The following SNX29 variants were observed in gnomAD, a reference collection of about 807,000 sequenced individuals.
The protein encoded by SNX29 is sorting nexin 29.
SNX29 carries 78 observed loss-of-function variants against 102.1 expected under a neutral mutation model. The ratio of observed to expected loss-of-function variants is 0.76; its 90% CI spans 0.64 to 0.92. The LOEUF (loss-of-function observed/expected upper bound fraction) is 0.92, where lower values mean the gene tolerates loss of function less well. Among genes scored for constraint, SNX29 ranks in the 40% least tolerant of loss-of-function variants. SNX29 has a pLI of 0.00. For missense variants in SNX29, 1,280 were observed against 1,061.7 expected (o/e 1.21, Z -2.86); for synonymous variants, 580 against 414.5 (o/e 1.40, Z -4.85).
intron 14 of SNX29, among the ~76,000 whole-genome samples, chr16:12,257,499 G>C (rs1267188191): frequency 1.0e-5 from 1 of 96,500 alleles, no homozygotes; most frequent in African/African-American, 5.1e-5. Context: ...CCTACCACTA[G>C]CATCTCTCTC....
intron 20 of SNX29, among the ~76,000 whole-genome samples, chr16:12,564,675 C>T (rs2078917213): frequency 6.6e-6 from 1 of 152,120 alleles, no homozygotes; most frequent in Non-Finnish European, 1.5e-5. Context: ...CTTGTCCACA[C>T]ATTCCTCTGT....
intron 13 of SNX29, among the ~76,000 whole-genome samples, chr16:12,180,116 C>A (rs1425635454): frequency 6.6e-6 from 1 of 152,040 alleles, no homozygotes; most frequent in East Asian, 1.9e-4. Flanking sequence ...ATCTTATTTA[C>A]CTGTCTTCAG....
chr16:12,008,349 A>C (rs867610015), intron 3 of SNX29, among the ~76,000 whole-genome samples: 1 of 152,080 alleles, frequency 6.6e-6, no homozygotes, highest in African/African-American at 2.4e-5. Context: ...GGCTCACCGC[A>C]ACCTCTGCCT....
intron 15 of SNX29, among the ~76,000 whole-genome samples, chr16:12,326,613 G>A (rs1197057546): frequency 6.6e-6 from 1 of 152,308 alleles, no homozygotes; most frequent in Non-Finnish European, 1.5e-5. Context: ...GGGCACTGGG[G>A]CTGGCTTTGG....
intron 11 of SNX29, among the ~76,000 whole-genome samples, chr16:12,095,695 G>A (rs976487738): frequency 1.3e-5 from 2 of 152,148 alleles, no homozygotes; most frequent in African/African-American, 4.8e-5. Flanking sequence ...TTTGAATCCC[G>A]ATTGTTGCCT....
At chr16:12,256,263 G>T (rs113153618) in intron 14 of SNX29, among the ~76,000 whole-genome samples, 1 of 152,054 alleles carries the variant, frequency 6.6e-6, no homozygotes, top group Non-Finnish European at 1.5e-5. Context: ...TGTATATTTT[G>T]GATATTAACC....
intron 3 of SNX29, among the ~76,000 whole-genome samples, chr16:12,013,500 A>AAATATATATATAT: frequency 4.1e-4 from 13 of 31,616 alleles, no homozygotes; most frequent in African/African-American, 8.8e-4. Flanking sequence ...AAAAAAAAAA[A>AAATATATATATAT]ATATATATAT....
intron 1 of SNX29, among the ~76,000 whole-genome samples, chr16:11,986,837 G>C (rs2055647643): frequency 6.6e-6 from 1 of 152,048 alleles, no homozygotes; most frequent in Non-Finnish European, 1.5e-5. Context: ...ACAGACCATG[G>C]GTAAGTGAAA....
chr16:12,339,569 C>G (rs1268466921), intron 15 of SNX29, among the ~76,000 whole-genome samples: 1 of 152,032 alleles, frequency 6.6e-6, no homozygotes, highest in East Asian at 1.9e-4. Context: ...TTGGTGTAAC[C>G]TTTGGCAGGG....
chr16:12,503,679 C>G (rs533966225), intron 19 of SNX29, among the ~76,000 whole-genome samples: 4 of 152,266 alleles, frequency 2.6e-5, no homozygotes, highest in African/African-American at 9.6e-5. Flanking sequence ...TCCTTCTTTC[C>G]CTCCTTCCCT....
Position 12,477,798 on chromosome 16 carries a change from A to C in SNX29, c.2117A>C (p.Gln706Pro). ...TEFRSLHHKL[Q>P]NKYPQVRAYN... Reference sequence around the variant, plus strand: ...TTCAGGAGTTTGCACCACAAGTTACAAAACAAGTACCCTCAAGTGAGGGCC... The same window carrying C: ...TTCAGGAGTTTGCACCACAAGTTACCAAACAAGTACCCTCAAGTGAGGGCC... The change falls in exon 19 of 21, where the codon CAA (glutamine) becomes CCA (proline). Residue 706 changes from glutamine to proline, a missense_variant. Coordinates refer to ENST00000566228, the MANE Select transcript of SNX29 (RefSeq NM_032167.5). 6.2e-7 allele frequency: 1 copy of C among 1,613,654 alleles called. No individual in the cohort carries two copies. The highest frequency in any genetic ancestry group is 8.5e-7 in the Non-Finnish European group (1 of 1,179,752).
rs750798654 is a variant in SNX29 at position 12,568,619 on chromosome 16, G to C, written c.2432G>C (p.Gly811Ala). 2 of 1,603,622 alleles carry C rather than the reference G, an allele frequency of 1.2e-6. No individual in the cohort carries two copies. The highest frequency in any genetic ancestry group is 2.2e-5 in the East Asian group (1 of 44,860). Reference sequence around the variant, plus strand: ...ACCCGCAACGTGGAGCCCCAGAGCGGTGACCTCTGACCTCGACAAAACCGC... The same window carrying C: ...ACCCGCAACGTGGAGCCCCAGAGCGCTGACCTCTGACCTCGACAAAACCGC... ...RETRNVEPQS[G>A]DL Residue 811 changes from glycine (G) to alanine (A), a missense_variant, in exon 21 of 21, where the codon GGT (glycine) becomes GCT (alanine). Coordinates refer to ENST00000566228, the MANE Select transcript of SNX29 (RefSeq NM_032167.5).
chr16:12,087,039 C>T (rs760034789), intron 11 of SNX29: 1 of 152,052 alleles, frequency 6.6e-6, no homozygotes, highest in African/African-American at 2.4e-5. Context: ...CATCATAACA[C>T]TTAAAACTGA....
At chr16:12,511,704 C>G (rs144621133) in intron 19 of SNX29, among the ~76,000 whole-genome samples, 1 of 150,834 alleles carries the variant, frequency 6.6e-6, no homozygotes, top group Non-Finnish European at 1.5e-5. Flanking sequence ...GTGGTGTAGT[C>G]TCCGAGCTCT....
In SNX29 at chr16:12,477,807, A is replaced by G; in HGVS notation, c.2126A>G (p.Tyr709Cys). The G allele has an allele frequency of 5.6e-6, 9 of 1,613,568 alleles. No individual in the cohort carries two copies. Among genetic ancestry groups the G allele is most frequent in the Non-Finnish European group, 7.6e-6 (9 of 1,179,734 alleles). Residue 709 changes from tyrosine (Y) to cysteine (C), a missense_variant, in exon 19 of 21, where the codon TAC becomes TGC. Transcript: ENST00000566228. ...RSLHHKLQNK[Y>C]PQVRAYNFPP... ...TTGCACCACAAGTTACAAAACAAGT[A>G]CCCTCAAGTGAGGGCCTACAACTTC...
intron 13 of SNX29, among the ~76,000 whole-genome samples, chr16:12,167,757 G>C (rs192682805): frequency 2.6e-4 from 40 of 152,292 alleles, no homozygotes; most frequent in Admixed American, 6.5e-4. Flanking sequence ...GAGTGAATGA[G>C]CCAGGATCCA....
At chr16:12,043,992 G>T (rs1029925969) in intron 5 of SNX29, among the ~76,000 whole-genome samples, 5 of 152,160 alleles carry the variant, frequency 3.3e-5, no homozygotes, top group South Asian at 2.1e-4. Context: ...GACCTCAGGT[G>T]ATCTGCCCGC....
intron 16 of SNX29, chr16:12,367,299 C>T (rs1001299417): frequency 1.3e-5 from 2 of 152,214 alleles, no homozygotes; most frequent in African/African-American, 2.4e-5. Context: ...GAGCATATGA[C>T]GTATACATCT....
chr16:12,153,186 C>T (rs534987819), intron 13 of SNX29, among the ~76,000 whole-genome samples: 1 of 152,270 alleles, frequency 6.6e-6, no homozygotes, highest in African/African-American at 2.4e-5. Flanking sequence ...TCGCTTGAGC[C>T]CAGGAGTTCG....
Sources: allele counts gnomAD v4.1 joint callset (sites outside exome capture counted in the v4.1 genomes callset), GRCh38; gene constraint gnomAD v4.1.1; transcripts MANE v1.5; gene names NCBI Gene and HGNC (gene_info 2026-07-23, HGNC 2026-07-21).